The following FLYWCH1 variants were observed in gnomAD, a reference collection of about 807,000 sequenced individuals.
The protein encoded by FLYWCH1 is FLYWCH-type zinc finger 1, also known as FLYWCH-type zinc finger-containing protein 1.
A neutral mutation model predicts 66.4 loss-of-function variants in FLYWCH1; 75 were observed. The ratio of observed to expected loss-of-function variants is 1.13; its 90% CI spans 0.94 to 1.37. FLYWCH1 has a LOEUF of 1.37. Among genes scored for constraint, FLYWCH1 ranks in the 40% most tolerant of loss-of-function variants. FLYWCH1 has a pLI of 0.00. For missense variants in FLYWCH1, 1,334 were observed against 1,001.8 expected, an observed-to-expected ratio of 1.33 and a Z score of -4.48; for synonymous variants, 595 against 429.9, an observed-to-expected ratio of 1.38 and a Z score of -4.75.
In FLYWCH1 at chr16:2,950,589, A is replaced by T. The variant is rs2071641274; in HGVS notation, c.*1862A>T. ...CACCTGTGGGCTCCTTGCCTCTGTG[A>T]TGGGGCCTCCACGGCCAGCATCTTC... On this transcript the variant is annotated 3_prime_UTR_variant, in exon 10 of 10. Transcript: ENST00000253928. 6.6e-6 allele frequency: 1 copy of T among 152,368 alleles called. No homozygotes were observed. The highest frequency in any genetic ancestry group is 2.4e-5 in the African/African-American group (1 of 41,428). The allele number at this position is 152,368 out of a possible 1,614,324, so 9.4% of individuals were successfully genotyped here.
rs1306744486 is a variant in FLYWCH1, at chr16:2,933,380, G to A, written c.1047G>A (p.Glu349=). 5 of 1,602,704 alleles carry A rather than the reference G, an allele frequency of 3.1e-6. No individual in the cohort carries two copies. In the East Asian group the frequency reaches 1.1e-4, roughly 36 times the overall value. Reference sequence around the variant, plus strand: ...GGCGGCAGCAGGAGAAGGCCGTGGAGACGCTGCAGGCTGGGCAGGACGGCC... The same window carrying A: ...GGCGGCAGCAGGAGAAGGCCGTGGAAACGCTGCAGGCTGGGCAGGACGGCC... The part of the protein sequence containing the change: ...EARRQQEKAV[E]TLQAGQDGPG... Residue 349 remains glutamate, a synonymous_variant, in exon 5 of 10, where the codon GAG becomes GAA. Transcript: ENST00000253928.
chr16:2,929,530 A>G, intron 2 of FLYWCH1, 83 bp from the exon 3 acceptor site: 2 of 973,442 alleles, frequency 2.1e-6, no homozygotes, highest in Non-Finnish European at 3.0e-6. Context: ...AGGCAGCCCC[A>G]TCTGCCCCAC....
intron 2 of FLYWCH1, among the ~76,000 whole-genome samples, chr16:2,918,240 C>T (rs150341273): frequency 0.011 from 1,683 of 148,844 alleles, 11 homozygotes; most frequent in Non-Finnish European, 0.014. Context: ...CTCCGCCTCC[C>T]AGGCTCACAC....
intron 2 of FLYWCH1, among the ~76,000 whole-genome samples, chr16:2,923,531 C>T (rs1319848920): frequency 6.6e-6 from 1 of 152,114 alleles, no homozygotes; most frequent in South Asian, 2.1e-4. Context: ...CAGGCGTGAG[C>T]CACAGCGCCC....
rs1475096837 is a variant in FLYWCH1 at position 2,933,203 on chromosome 16, C to G, written c.870C>G (p.Tyr290Ter). 1 of 1,613,680 alleles carries G rather than the reference C, an allele frequency of 6.2e-7. No individual in the cohort carries two copies. The highest frequency in any genetic ancestry group is 8.5e-7 in the Non-Finnish European group (1 of 1,179,836). The stretch of plus-strand genomic sequence containing the variant: ...TCCTGGTACACGAGTCGTTCCTCTA[C>G]AAGCGGGAGAAGGCTGTCGGGGACA... ...GSFLVHESFL[Y>*]KREKAVGDKV... The change falls in exon 5 of 10, where the codon TAC (tyrosine) becomes TAG (stop). Residue 290 changes from tyrosine to a stop codon, truncating the protein, a stop_gained. Transcript: ENST00000253928. LOFTEE classifies it high-confidence loss of function.
At chr16:2,919,870 G>A (rs893924204) in intron 2 of FLYWCH1, among the ~76,000 whole-genome samples, 2 of 152,088 alleles carry the variant, frequency 1.3e-5, no homozygotes, top group Non-Finnish European at 2.9e-5. Context: ...GAGTATTGCT[G>A]CTGAGGATTT....
At chr16:2,947,492 G>A (rs973570788) in intron 9 of FLYWCH1, among the ~76,000 whole-genome samples, 2 of 152,216 alleles carry the variant, frequency 1.3e-5, no homozygotes, top group African/African-American at 4.8e-5. Flanking sequence ...CAGGTACAGT[G>A]GCTCACGCCA....
intron 6 of FLYWCH1, 67 bp from the exon 7 acceptor site, chr16:2,937,054 C>T (rs765193464): frequency 1.1e-4 from 169 of 1,476,816 alleles, no homozygotes; most frequent in Non-Finnish European, 1.3e-4. Context: ...GGTCTCATCT[C>T]GGGGCCATGC....
Position 2,938,236 on chromosome 16 carries a change from G to A in FLYWCH1, c.1830G>A (p.Leu610=). 1 of 1,613,254 alleles carries A rather than the reference G, an allele frequency of 6.2e-7. No individual in the cohort carries two copies. The highest frequency in any genetic ancestry group is 8.5e-7 in the Non-Finnish European group (1 of 1,179,630). Residue 610 remains leucine, a synonymous_variant, in exon 8 of 10, where the codon CTG becomes CTA. Transcript: ENST00000253928. ...FLRTSLGGRF[L]VHESFLYRKE... Reference sequence around the variant, plus strand: ...GGACTTCCCTGGGGGGCAGGTTCCTGGTGCACGAGTCCTTCCTCTACAGGA... The same window carrying A: ...GGACTTCCCTGGGGGGCAGGTTCCTAGTGCACGAGTCCTTCCTCTACAGGA...
intron 2 of FLYWCH1, among the ~76,000 whole-genome samples, chr16:2,929,228 C>T (rs761308038): frequency 1.3e-5 from 2 of 152,184 alleles, no homozygotes; most frequent in Non-Finnish European, 2.9e-5. Context: ...CCTCACTATC[C>T]TCGTCTATAA....
At position 2,945,528 on chromosome 16, in the gene FLYWCH1, C is replaced by T. The variant is rs142987576; in HGVS notation, c.2112-3160C>T. On this transcript the variant is annotated intron_variant, in intron 9 of 9. Coordinates refer to ENST00000253928, the MANE Select transcript of FLYWCH1 (RefSeq NM_001308068.2). The stretch of plus-strand genomic sequence containing the variant: ...AAAATTAGCCAGGCATGGTGGCACA[C>T]ACCTGTAATCCCAGCTACTTGGGAA... Among the ~76,000 whole-genome samples, 1,196 of 144,490 alleles carry T rather than the reference C, an allele frequency of 8.3e-3. 12 individuals are homozygous for T. The highest frequency in any genetic ancestry group is 0.027 in the South Asian group (119 of 4,386). 94.8% of individuals were successfully genotyped at this position (144,490 alleles called of 152,430 possible).
At chr16:2,931,649 T>TA (rs1300794556) in intron 4 of FLYWCH1, among the ~76,000 whole-genome samples, 1 of 151,934 alleles carries the variant, frequency 6.6e-6, no homozygotes, top group Non-Finnish European at 1.5e-5. Context: ...CTGGTTCCCA[T>TA]GCAATTCTAG....
intron 9 of FLYWCH1, among the ~76,000 whole-genome samples, chr16:2,948,475 A>G (rs2071575640): frequency 6.6e-6 from 1 of 152,076 alleles, no homozygotes; most frequent in Non-Finnish European, 1.5e-5. Flanking sequence ...AGGTGGGAGA[A>G]TCACTTGAAC....
rs542280341 is a variant in FLYWCH1, at chr16:2,944,204, T to G, written c.2111+4112T>G. Among the ~76,000 whole-genome samples, 18 of 151,528 alleles carry G rather than the reference T, an allele frequency of 1.2e-4. No homozygotes were observed. The South Asian group carries it at 3.8e-3, about 32-fold the overall frequency. ...GAATTCCAGACCAGCCTGGGGAACA[T>G]GGAGAAACTCCGTCTCTACTAAAAA... On this transcript the variant is annotated intron_variant, in intron 9 of 9. Transcript: ENST00000253928.
chr16:2,935,229 G>C (rs1442805138), intron 6 of FLYWCH1: 1 of 152,582 alleles, frequency 6.6e-6, no homozygotes, highest in Non-Finnish European at 1.5e-5. Context: ...GGCCACGTTT[G>C]GTTTCACTTT....
intron 5 of FLYWCH1, 60 bp downstream of exon 5, chr16:2,933,642 A>T: frequency 6.4e-7 from 1 of 1,561,364 alleles, no homozygotes; most frequent in South Asian, 1.2e-5. Flanking sequence ...CCAGAGGTCC[A>T]GGGAGGGAAG....
At position 2,950,575 on chromosome 16, in the gene FLYWCH1, T is replaced by A. The variant is rs1315924496; in HGVS notation, c.*1848T>A. On this transcript the variant is annotated 3_prime_UTR_variant, in exon 10 of 10. Transcript: ENST00000253928. ...AAGCCTGCGCCCTCCACCTGTGGGC[T>A]CCTTGCCTCTGTGATGGGGCCTCCA... 6.6e-6 allele frequency: 1 copy of A among 152,476 alleles called. No homozygotes were observed. The highest frequency in any genetic ancestry group is 1.5e-5 in the Non-Finnish European group (1 of 68,258). The allele number at this position is 152,476 out of a possible 1,614,324, so 9.4% of individuals were successfully genotyped here. A position where few individuals can be genotyped will look rare whatever the true frequency, so the allele number is the denominator to read the frequency against.
At position 2,933,151 on chromosome 16, in the gene FLYWCH1, T is replaced by C; in HGVS notation, c.818T>C (p.Phe273Ser). The C allele has an allele frequency of 1.2e-6, 2 of 1,613,508 alleles. No homozygotes were observed. The highest frequency in any genetic ancestry group is 1.7e-6 in the Non-Finnish European group (2 of 1,179,764). The change falls in exon 5 of 10, where the codon TTC becomes TCC. Residue 273 changes from phenylalanine (F) to serine (S), a missense_variant. By Grantham distance (155) the Phe-to-Ser change is radical (BLOSUM62 -2). Transcript: ENST00000253928. Reference protein sequence around the residue: ...LGLGQARPLEFLRTCYGGSFL... With the variant: ...LGLGQARPLESLRTCYGGSFL... ...CTAGGACAGGCCCGGCCCCTCGAGT[T>C]CCTGAGGACGTGCTACGGGGGCAGC... is the stretch of plus-strand genomic sequence containing the variant.
intron 6 of FLYWCH1, 155 bp from the exon 7 acceptor site, chr16:2,936,966 A>C (rs532060631): frequency 1.1e-6 from 1 of 940,070 alleles, no homozygotes; most frequent in East Asian, 2.7e-5. Flanking sequence ...GCCCCAGCAG[A>C]GTTGGGGGGA....
Sources: gnomAD v4.1 joint callset for allele counts (sites outside exome capture counted in the v4.1 genomes callset) on GRCh38, gnomAD v4.1.1 for gene constraint, MANE v1.5 for transcripts, NCBI Gene and HGNC (gene_info 2026-07-23, HGNC 2026-07-21) for gene names.